GRHL3: variants seen among roughly 807,000 people sequenced by gnomAD.
GRHL3 encodes the protein grainyhead like transcription factor 3.
Under a neutral mutation model 70.3 loss-of-function variants are expected in GRHL3, and 20 were observed. The ratio of observed to expected loss-of-function variants is 0.28; its 90% CI spans 0.20 to 0.41. The LOEUF is 0.41. Among genes scored for constraint, GRHL3 ranks in the 10% least tolerant of loss-of-function variants. GRHL3 has a pLI of 1.00. For synonymous variants in GRHL3, 299 were observed against 299.9 expected (o/e 1.00, Z 0.03); for missense variants, 637 against 762.3 (o/e 0.84, Z 1.94).
chr1:24,331,123 G>A (rs942454244), intron 1 of GRHL3, among the ~76,000 whole-genome samples: 8 of 152,198 alleles, frequency 5.3e-5, no homozygotes, highest in Admixed American at 3.3e-4. Flanking sequence ...GAATAAGTAC[G>A]CACTATGAAA....
chr1:24,361,028 G>A, intron 15 of GRHL3: 2 of 1,608,062 alleles, frequency 1.2e-6, no homozygotes, highest in South Asian at 1.1e-5. Flanking sequence ...GAGAAGTTCA[G>A]GATGGGGTTT....
chr1:24,360,941 G>T, intron 15 of GRHL3: 2 of 1,614,088 alleles, frequency 1.2e-6, no homozygotes, highest in Non-Finnish European at 1.7e-6. Flanking sequence ...TGCTTGCGGG[G>T]GCCTAAGTAG....
chr1:24,358,232 G>C (rs1487338413), downstream of GRHL3: 1 of 591,218 alleles, frequency 1.7e-6, no homozygotes, highest in African/African-American at 1.8e-5. Flanking sequence ...TCTGCGGCAG[G>C]GAGTCGTGCC....
chr1:24,339,802 C>A, intron 8 of GRHL3, 40 bp downstream of exon 8: 3 of 1,324,912 alleles, frequency 2.3e-6, no homozygotes, highest in South Asian at 1.3e-5. Context: ...GACTGGGCTG[C>A]CTGGAAGTCC....
chr1:24,323,819 G>A (rs1639295926), intron 1 of GRHL3, among the ~76,000 whole-genome samples: 1 of 152,064 alleles, frequency 6.6e-6, no homozygotes, highest in Non-Finnish European at 1.5e-5. Flanking sequence ...TAGAACAACT[G>A]ACCTAGTGAA....
At chr1:24,341,792 C>G (rs1409905883) in intron 8 of GRHL3, among the ~76,000 whole-genome samples, 1 of 152,218 alleles carries the variant, frequency 6.6e-6, no homozygotes. Context: ...TGACATCCCC[C>G]CCAGTCTCCA....
downstream of GRHL3, chr1:24,358,672 C>T: frequency 7.2e-7 from 1 of 1,387,392 alleles, no homozygotes; most frequent in Non-Finnish European, 1.0e-6. Flanking sequence ...CCCATTGCTG[C>T]AGTCTCTGGC....
intron 8 of GRHL3, 76 bp downstream of exon 8, chr1:24,339,838 C>T: frequency 1.1e-6 from 1 of 894,380 alleles, no homozygotes; most frequent in South Asian, 1.7e-5. Flanking sequence ...GGCTTTCTTG[C>T]ACCTAGGATA....
intron 1 of GRHL3, 129 bp downstream of exon 1, chr1:24,319,697 C>T: frequency 6.3e-7 from 1 of 1,595,560 alleles, no homozygotes; most frequent in Non-Finnish European, 8.5e-7. Context: ...AATGAATGGG[C>T]TGACGATCTT....
At chr1:24,338,263 A>G (rs566386681) in intron 7 of GRHL3, among the ~76,000 whole-genome samples, 160 bp downstream of exon 7, 14 of 152,258 alleles carry the variant, frequency 9.2e-5, no homozygotes, top group African/African-American at 3.1e-4. Context: ...TCTGTTGACT[A>G]GAAGTTGTGG....
At chr1:24,350,994 C>A (rs1182982975) in intron 15 of GRHL3, among the ~76,000 whole-genome samples, 2 of 152,192 alleles carry the variant, frequency 1.3e-5, no homozygotes, top group Non-Finnish European at 2.9e-5. Context: ...GGTGACTTCA[C>A]CAGCCTGGCA....
chr1:24,327,658 G>C (rs1174194911), intron 1 of GRHL3, among the ~76,000 whole-genome samples: 2 of 152,194 alleles, frequency 1.3e-5, no homozygotes, highest in African/African-American at 4.8e-5. Context: ...GACACCAACA[G>C]AGAGTTTGTG....
intron 8 of GRHL3, among the ~76,000 whole-genome samples, chr1:24,341,362 G>A (rs1302840646): frequency 6.6e-6 from 1 of 152,212 alleles, no homozygotes; most frequent in African/African-American, 2.4e-5. Flanking sequence ...GAGGCTCAGT[G>A]AGGTGAAAGG....
In GRHL3 at chr1:24,346,479, G is replaced by A; in HGVS notation, c.1455-74G>A. 3.1e-6 allele frequency: 3 copies of A among 961,754 alleles called. 1 individual carries two copies. In the Admixed American group the frequency reaches 5.5e-5, roughly 18 times the overall value. 59.6% of individuals were successfully genotyped at this position (961,754 alleles called of 1,614,324 possible). A position where few individuals can be genotyped will look rare whatever the true frequency, so the allele number is the denominator to read the frequency against. On this transcript the variant is annotated intron_variant, in intron 12 of 15. Transcript: ENST00000361548. The stretch of plus-strand genomic sequence containing the variant: ...TTCTTCCCCATTTCTAGGGCCCCTG[G>A]AGGCCCAGCAGGGTCCTTGAGCCTC...
intron 5 of GRHL3, 69 bp downstream of exon 5, chr1:24,337,220 C>A: frequency 9.0e-7 from 1 of 1,107,992 alleles, no homozygotes; most frequent in Non-Finnish European, 1.4e-6. Flanking sequence ...GAGCCCCACA[C>A]TGTCCCCAGA....
intron 1 of GRHL3, 185 bp downstream of exon 1, chr1:24,319,753 T>A (rs1475680005): frequency 1.3e-6 from 2 of 1,496,452 alleles, no homozygotes; most frequent in Non-Finnish European, 1.8e-6. Context: ...TAGAGGTGAG[T>A]GTTTCCCTGG....
chr1:24,324,837 A>T (rs1374987749), intron 1 of GRHL3, among the ~76,000 whole-genome samples: 1 of 152,126 alleles, frequency 6.6e-6, no homozygotes, highest in African/African-American at 2.4e-5. Flanking sequence ...ATACTGCCTC[A>T]TGCAAACTGG....
At chr1:24,352,695 G>A (rs1352431446) in intron 15 of GRHL3, among the ~76,000 whole-genome samples, 1 of 152,192 alleles carries the variant, frequency 6.6e-6, no homozygotes, top group Non-Finnish European at 1.5e-5. Context: ...CGCAATCAAT[G>A]GCAGACAAAA....
At chr1:24,331,992 C>A (rs1289124516) in intron 2 of GRHL3, among the ~76,000 whole-genome samples, 1 of 152,182 alleles carries the variant, frequency 6.6e-6, no homozygotes, top group Non-Finnish European at 1.5e-5. Flanking sequence ...CACCATACAG[C>A]CTGCCACACA....
Sources: allele counts gnomAD v4.1 joint callset (sites outside exome capture counted in the v4.1 genomes callset), GRCh38; gene constraint gnomAD v4.1.1; transcripts MANE v1.5; gene names NCBI Gene and HGNC (gene_info 2026-07-23, HGNC 2026-07-21).